The following ADAMTS18 variants were observed in gnomAD, a reference collection of about 807,000 sequenced individuals.
ADAMTS18 encodes the protein A disintegrin and metalloproteinase with thrombospondin motifs 18.
ADAMTS18 carries 157 observed loss-of-function variants against 165.9 expected under a neutral mutation model. That is an observed-to-expected ratio of 0.95 (90% CI 0.83 to 1.08). ADAMTS18 has a LOEUF of 1.08. Ranked by LOEUF, ADAMTS18 falls within the 50% of genes least tolerant of loss-of-function variation. The probability of loss-of-function intolerance (pLI) is 0.00; values close to 1 mark genes in which losing one functional copy is unlikely to be tolerated. For missense variants in ADAMTS18, 2,040 were observed against 1,534.0 expected, an observed-to-expected ratio of 1.33 and a Z score of -5.51; for synonymous variants, 782 against 578.2, an observed-to-expected ratio of 1.35 and a Z score of -5.06.
Position 77,367,595 on chromosome 16 carries a change from C to G in ADAMTS18, c.624G>C (p.Glu208Asp). The stretch of plus-strand genomic sequence containing the variant: ...AGCCACGGTACCGCTGGATCTTCTC[C>G]TCTGCTGTCCTTTTGTACAGTACGT... ...HPHVLYKRTA[E>D]EKIQRYRGYP... Residue 208 changes from glutamate to aspartate, a missense_variant, in exon 4 of 23, where the codon GAG (glutamate) becomes GAC (aspartate). By Grantham distance (45) the Glu-to-Asp change is conservative. Coordinates refer to ENST00000282849, the MANE Select transcript of ADAMTS18 (RefSeq NM_199355.4). The G allele has an allele frequency of 6.2e-7, 1 of 1,614,220 alleles. No individual in the cohort carries two copies. Among genetic ancestry groups the G allele is most frequent in the African/African-American group, 1.3e-5 (1 of 75,066 alleles).
rs1238720284 is a variant in ADAMTS18 at position 77,282,726 on chromosome 16, G to C, written c.*1230C>G. 1.3e-5 allele frequency: 2 copies of C among 152,536 alleles called. No homozygotes were observed. Among genetic ancestry groups the C allele is most frequent in the African/African-American group, 4.8e-5 (2 of 41,420 alleles). The allele number at this position is 152,536 out of a possible 1,614,324, so 9.4% of individuals were successfully genotyped here. A position where few individuals can be genotyped will look rare whatever the true frequency, so the allele number is the denominator to read the frequency against. ...ATTACTTTGGTTTTGGCAAAATAGTGTGATGTTTTTTCAATTGAGAACAAT... is the reference window on the plus strand; with the variant it reads ...ATTACTTTGGTTTTGGCAAAATAGTCTGATGTTTTTTCAATTGAGAACAAT... On this transcript the variant is annotated 3_prime_UTR_variant, in exon 23 of 23. Transcript: ENST00000282849.
intron 12 of ADAMTS18, among the ~76,000 whole-genome samples, chr16:77,333,210 T>C (rs1389288924): frequency 6.6e-6 from 1 of 152,082 alleles, no homozygotes; most frequent in African/African-American, 2.4e-5. Flanking sequence ...CACATGGACT[T>C]TATATGCAAA....
At chr16:77,352,652 C>T (rs1254856778) in intron 10 of ADAMTS18, among the ~76,000 whole-genome samples, 1 of 151,366 alleles carries the variant, frequency 6.6e-6, no homozygotes, top group Non-Finnish European at 1.5e-5. Context: ...GTGGTGGTGG[C>T]AGAGAAGGAG....
intron 8 of ADAMTS18, among the ~76,000 whole-genome samples, chr16:77,357,814 G>C (rs1211529184): frequency 6.6e-6 from 1 of 152,104 alleles, no homozygotes; most frequent in African/African-American, 2.4e-5. Context: ...ATGTTATTTA[G>C]AACTTAGGTA....
At chr16:77,309,941 G>A (rs1357571461) in intron 16 of ADAMTS18, among the ~76,000 whole-genome samples, 1 of 152,204 alleles carries the variant, frequency 6.6e-6, no homozygotes, top group African/African-American at 2.4e-5. Context: ...CATTTTAGGA[G>A]ATCAAATTTC....
In ADAMTS18 at chr16:77,364,171, G is replaced by A. The variant is rs1567514877; in HGVS notation, c.972+17C>T. On this transcript the variant is annotated intron_variant, in intron 5 of 22. Coordinates refer to ENST00000282849, the MANE Select transcript of ADAMTS18 (RefSeq NM_199355.4). ...TTTTCTTTGGAGAGCCAGAAGGTTT[G>A]TGACACCCCCGCTTACCATGTTCAT... is the stretch of plus-strand genomic sequence containing the variant. 6.2e-7 allele frequency: 1 copy of A among 1,614,020 alleles called. No homozygotes were observed. Among genetic ancestry groups the A allele is most frequent in the East Asian group, 2.2e-5 (1 of 44,860 alleles).
chr16:77,332,647 G>A (rs1315821648), intron 12 of ADAMTS18, among the ~76,000 whole-genome samples: 1 of 152,104 alleles, frequency 6.6e-6, no homozygotes, highest in Admixed American at 6.6e-5. Context: ...CTGCCAACTG[G>A]AAAATCTACA....
chr16:77,300,527 A>G (rs1229130400), intron 16 of ADAMTS18, 123 bp from the exon 17 acceptor site: 1 of 1,103,414 alleles, frequency 9.1e-7, no homozygotes, highest in Non-Finnish European at 1.4e-6. Context: ...GGTATACTTC[A>G]TTGTTCCCAA....
Position 77,364,216 on chromosome 16 carries a change from G to A in ADAMTS18, c.944C>T (p.Thr315Ile), listed in dbSNP as rs145795451. 1.5e-5 allele frequency: 25 copies of A among 1,613,934 alleles called. No individual in the cohort carries two copies. The highest frequency in any genetic ancestry group is 1.0e-4 in the Admixed American group (6 of 59,984). ...GTTCATTACTGTGAGAATGTATGTG[G>A]TGACATTTCCCTTGCCATGCTTTTC... ...MVEKHGKGNV[T>I]TYILTVMNMV... Residue 315 changes from threonine (T) to isoleucine (I), a missense_variant, in exon 5 of 23, where the codon ACC (threonine) becomes ATC (isoleucine). By Grantham distance (89) the Thr-to-Ile change is moderately conservative. Coordinates refer to ENST00000282849, the MANE Select transcript of ADAMTS18 (RefSeq NM_199355.4).
At chr16:77,381,748 G>C (rs2057033986) in intron 3 of ADAMTS18, among the ~76,000 whole-genome samples, 1 of 152,194 alleles carries the variant, frequency 6.6e-6, no homozygotes, top group South Asian at 2.1e-4. Flanking sequence ...GTTGCAGTGA[G>C]CCGAGATCAT....
intron 3 of ADAMTS18, among the ~76,000 whole-genome samples, chr16:77,389,603 G>T (rs996394486): frequency 6.6e-6 from 1 of 152,178 alleles, no homozygotes; most frequent in Non-Finnish European, 1.5e-5. Context: ...TAGCTGCACC[G>T]ACATCACAAG....
intron 3 of ADAMTS18, among the ~76,000 whole-genome samples, chr16:77,403,293 T>G (rs2057354225): frequency 6.6e-6 from 1 of 152,216 alleles, no homozygotes; most frequent in Non-Finnish European, 1.5e-5. Context: ...CGACCAGCAC[T>G]TATTGAGCAT....
chr16:77,376,123 G>C (rs182541277), intron 3 of ADAMTS18, among the ~76,000 whole-genome samples: 5 of 151,972 alleles, frequency 3.3e-5, no homozygotes, highest in Non-Finnish European at 5.9e-5. Context: ...GGCTGGTCTT[G>C]AACTCCCGAT....
At chr16:77,305,609 A>G (rs1232179801) in intron 16 of ADAMTS18, among the ~76,000 whole-genome samples, 3 of 152,196 alleles carry the variant, frequency 2.0e-5, no homozygotes, top group Non-Finnish European at 4.4e-5. Context: ...ATCAGTTTTA[A>G]GACACAATTA....
intron 3 of ADAMTS18, among the ~76,000 whole-genome samples, chr16:77,408,415 G>T (rs1038961270): frequency 2.7e-4 from 41 of 152,022 alleles, no homozygotes; most frequent in African/African-American, 9.9e-4. Context: ...AGTCACAACA[G>T]CATTATTTGT....
At chr16:77,396,665 A>T (rs1053721765) in intron 3 of ADAMTS18, among the ~76,000 whole-genome samples, 1 of 152,208 alleles carries the variant, frequency 6.6e-6, no homozygotes, top group Non-Finnish European at 1.5e-5. Flanking sequence ...AAATTCCAAG[A>T]AGGCATGTAA....
At chr16:77,399,310 T>C (rs1272235680) in intron 3 of ADAMTS18, among the ~76,000 whole-genome samples, 1 of 152,180 alleles carries the variant, frequency 6.6e-6, no homozygotes, top group African/African-American at 2.4e-5. Context: ...AGGAGGAAAG[T>C]AGGCCAGAGA....
intron 20 of ADAMTS18, among the ~76,000 whole-genome samples, chr16:77,292,274 A>G (rs903288726): frequency 2.6e-5 from 4 of 152,214 alleles, no homozygotes; most frequent in Non-Finnish European, 5.9e-5. Context: ...CTCTAGGACA[A>G]CAGAGCAAGA....
chr16:77,294,914 TC>T lies in ADAMTS18; in HGVS notation c.3006+8del. The T allele has an allele frequency of 6.2e-7, 1 of 1,614,002 alleles. No individual in the cohort carries two copies. Among genetic ancestry groups the T allele is most frequent in the Non-Finnish European group, 8.5e-7 (1 of 1,179,932 alleles). On this transcript the variant is annotated splice_region_variant and intron_variant, in intron 19 of 22. Coordinates refer to ENST00000282849, the MANE Select transcript of ADAMTS18 (RefSeq NM_199355.4). ...CGAGAATAGTAACTCCCAAGTTTTC[TC>T]CTGTTACCTGAGACCAGGGTCCAAG...
Sources: gnomAD v4.1 joint callset for allele counts (sites outside exome capture counted in the v4.1 genomes callset) on GRCh38, gnomAD v4.1.1 for gene constraint, MANE v1.5 for transcripts, NCBI Gene and HGNC (gene_info 2026-07-23, HGNC 2026-07-21) for gene names.